The following COBL variants were observed in gnomAD, a reference collection of about 807,000 sequenced individuals.
The protein encoded by COBL is protein cordon-bleu.
In COBL, 51 loss-of-function variants were observed where a neutral mutation model predicts 98.8. That is an observed-to-expected ratio of 0.52 (90% CI 0.41 to 0.65). The LOEUF is 0.65. Ranked by LOEUF, COBL falls within the 30% of genes least tolerant of loss-of-function variation. COBL has a pLI of 0.00. For missense variants in COBL, 1,617 were observed against 1,617.5 expected (o/e 1.00, Z 0.01); for synonymous variants, 634 against 651.7 (o/e 0.97, Z 0.41).
intron 7 of COBL, chr7:51,083,359 G>C (rs568766674): frequency 4.8e-6 from 3 of 625,550 alleles, no homozygotes; most frequent in African/African-American, 1.9e-5. Flanking sequence ...CCTAACACCA[G>C]ATCCAGTCAT....
At chr7:51,067,200 G>A (rs903165287) in intron 7 of COBL, among the ~76,000 whole-genome samples, 6 of 152,186 alleles carry the variant, frequency 3.9e-5, no homozygotes, top group South Asian at 2.1e-4. Flanking sequence ...CTTCACACAC[G>A]TGCAGGCACA....
At chr7:51,200,276 T>C (rs1469112514) in intron 2 of COBL, among the ~76,000 whole-genome samples, 4 of 152,176 alleles carry the variant, frequency 2.6e-5, no homozygotes, top group African/African-American at 9.7e-5. Context: ...AATGAAAAGA[T>C]GATAAACAGC....
chr7:51,314,686 T>C lies in COBL; in HGVS notation c.41+1907A>G, dbSNP rs1437860588. ...TTAACAAATGACAAAGTGAGAACAA[T>C]AGAAGTTAAAAATAATATGTCTACA... On this transcript the variant is annotated intron_variant, in intron 1 of 12. Transcript: ENST00000265136. Among the ~76,000 whole-genome samples, 5 of 152,192 alleles carry C rather than the reference T, an allele frequency of 3.3e-5. No individual in the cohort carries two copies. The East Asian group carries it at 5.8e-4, about 18-fold the overall frequency.
chr7:51,097,149 C>T (rs370759283), intron 6 of COBL, among the ~76,000 whole-genome samples: 14 of 152,114 alleles, frequency 9.2e-5, no homozygotes, highest in South Asian at 2.1e-4. Context: ...TACAATCACA[C>T]GGGATTTATT....
At chr7:51,178,391 C>A (rs1788618838) in intron 5 of COBL, among the ~76,000 whole-genome samples, 1 of 151,938 alleles carries the variant, frequency 6.6e-6, no homozygotes, top group African/African-American at 2.4e-5. Flanking sequence ...GTGGTCAAAG[C>A]TGAATGAGGT....
At chr7:51,257,727 C>T (rs1030893237) in intron 1 of COBL, among the ~76,000 whole-genome samples, 2 of 151,790 alleles carry the variant, frequency 1.3e-5, no homozygotes, top group Non-Finnish European at 2.9e-5. Context: ...AAAAATATTG[C>T]TAATATTTGG....
chr7:51,081,417 G>A (rs763126305), intron 7 of COBL, among the ~76,000 whole-genome samples: 7 of 152,198 alleles, frequency 4.6e-5, no homozygotes, highest in Non-Finnish European at 1.0e-4. Flanking sequence ...TTTTCTCTCC[G>A]CCACTTCGCT....
At chr7:51,188,071 T>G (rs1049575293) in intron 4 of COBL, 1 of 843,086 alleles carries the variant, frequency 1.2e-6, no homozygotes, top group Non-Finnish European at 1.6e-6. Context: ...GCTGCAGCAG[T>G]GAGAAGGTCT....
intron 6 of COBL, among the ~76,000 whole-genome samples, chr7:51,125,009 T>G (rs1400172564): frequency 1.3e-5 from 2 of 152,100 alleles, no homozygotes; most frequent in African/African-American, 4.8e-5. Context: ...AGACAAGGTT[T>G]TCCCATTTGG....
At chr7:51,204,866 T>C (rs191875776) in intron 2 of COBL, among the ~76,000 whole-genome samples, 14 of 152,312 alleles carry the variant, frequency 9.2e-5, no homozygotes, top group Non-Finnish European at 1.9e-4. Flanking sequence ...TCAGTGGCAT[T>C]TCTATACATA....
intron 7 of COBL, chr7:51,073,448 A>G (rs1430608650): frequency 1.8e-5 from 11 of 616,334 alleles, no homozygotes; most frequent in Non-Finnish European, 3.3e-5. Context: ...AATATCTGCC[A>G]TTATCATTCA....
At chr7:51,264,527 C>T (rs1027915114) in intron 1 of COBL, among the ~76,000 whole-genome samples, 2 of 151,426 alleles carry the variant, frequency 1.3e-5, no homozygotes, top group African/African-American at 4.9e-5. Context: ...AAAAATTAGC[C>T]GGTCTTGGTG....
At chr7:51,193,075 G>T (rs950954824) in intron 3 of COBL, among the ~76,000 whole-genome samples, 3 of 152,160 alleles carry the variant, frequency 2.0e-5, no homozygotes, top group Non-Finnish European at 4.4e-5. Context: ...TATCATATAA[G>T]AAAGTACAGA....
At chr7:51,033,653 T>C (rs980588652) in intron 8 of COBL, 7 of 152,384 alleles carry the variant, frequency 4.6e-5, no homozygotes, top group Non-Finnish European at 8.8e-5. Context: ...ACCCTTTTTC[T>C]TTAGAACTGT....
intron 6 of COBL, among the ~76,000 whole-genome samples, chr7:51,118,439 G>A (rs1797469849): frequency 6.6e-6 from 1 of 151,964 alleles, no homozygotes; most frequent in African/African-American, 2.4e-5. Flanking sequence ...TGAGAGACTT[G>A]GCCTTTTACT....
intron 6 of COBL, among the ~76,000 whole-genome samples, chr7:51,092,699 C>T (rs1255561814): frequency 6.6e-6 from 1 of 152,124 alleles, no homozygotes; most frequent in East Asian, 1.9e-4. Flanking sequence ...AATAGCTTTA[C>T]ATTTCGAAAT....
intron 1 of COBL, among the ~76,000 whole-genome samples, chr7:51,278,441 G>A (rs977922325): frequency 8.7e-5 from 13 of 149,428 alleles, no homozygotes; most frequent in Non-Finnish European, 1.3e-4. Context: ...GTGCAATGGC[G>A]CGATCTCGGC....
chr7:51,302,600 A>AAG (rs1802082513), intron 1 of COBL, among the ~76,000 whole-genome samples: 1 of 151,354 alleles, frequency 6.6e-6, no homozygotes, highest in Admixed American at 6.6e-5. Flanking sequence ...AAAAAAAAAA[A>AAG]GATTCACAAT....
chr7:51,296,623 T>C (rs934528870), intron 1 of COBL, among the ~76,000 whole-genome samples: 3 of 152,216 alleles, frequency 2.0e-5, no homozygotes, highest in African/African-American at 4.8e-5. Flanking sequence ...TAAATGACTC[T>C]GAAAGTATTT....
Sources: allele counts gnomAD v4.1 joint callset (sites outside exome capture counted in the v4.1 genomes callset), GRCh38; gene constraint gnomAD v4.1.1; transcripts MANE v1.5; gene names NCBI Gene and HGNC (gene_info 2026-07-23, HGNC 2026-07-21).